Variants in HS6ST2 observed in about 807,000 individuals in gnomAD.
HS6ST2 encodes the protein heparan-sulfate 6-O-sulfotransferase 2.
HS6ST2 carries 17 observed loss-of-function variants against 33.0 expected under a neutral mutation model. The ratio of observed to expected loss-of-function variants is 0.52; its 90% CI spans 0.35 to 0.77. The LOEUF (loss-of-function observed/expected upper bound fraction) is 0.77, where lower values mean the gene tolerates loss of function less well. Ranked by LOEUF, HS6ST2 falls within the 30% of genes least tolerant of loss-of-function variation. The pLI, the probability that HS6ST2 is intolerant of heterozygous loss-of-function variation, is 0.01. For missense variants in HS6ST2, 519 were observed against 551.7 expected, an observed-to-expected ratio of 0.94 and a Z score of 0.59; for synonymous variants, 248 against 237.1, an observed-to-expected ratio of 1.05 and a Z score of -0.42.
At chrX:132,742,097 T>C (rs1057018765) in intron 2 of HS6ST2, among the ~76,000 whole-genome samples, 5 of 112,017 alleles carry the variant, frequency 4.5e-5, no homozygotes, top group African/African-American at 1.6e-4. Flanking sequence ...GCACATCTAG[T>C]GCTGAGATGA....
At chrX:132,865,475 T>C (rs1319749614) in intron 2 of HS6ST2, among the ~76,000 whole-genome samples, 3 of 109,958 alleles carry the variant, frequency 2.7e-5, no homozygotes, top group Non-Finnish European at 3.8e-5. Flanking sequence ...TGATTTATAG[T>C]CCTTTGGGTA....
intron 2 of HS6ST2, among the ~76,000 whole-genome samples, chrX:132,882,563 A>G (rs1398849125): frequency 4.7e-5 from 5 of 105,962 alleles, no homozygotes; most frequent in East Asian, 2.9e-4. Context: ...CAATCATGTC[A>G]TCTGCAAACA....
chrX:132,708,489 C>T lies in HS6ST2; in HGVS notation c.953G>A (p.Arg318Lys), dbSNP rs1248573086. The T allele has an allele frequency of 9.3e-6, 11 of 1,182,586 alleles. No individual in the cohort carries two copies. The highest frequency in any genetic ancestry group is 3.1e-5 in the East Asian group (1 of 32,781). ...TGCTGCATCTAGAATCTGAAAAATCCTCCACCTGTTAAAGGAACAGTAAAA... is the reference window on the plus strand; with the variant it reads ...TGCTGCATCTAGAATCTGAAAAATCTTCCACCTGTTAAAGGAACAGTAAAA... ...RDARLRPSRW[R>K]IFQILDAASK... The change falls in exon 3 of 5, where the codon AGG (arginine) becomes AAG (lysine). Residue 318 changes from arginine (R) to lysine (K), a missense_variant. Coordinates refer to ENST00000370833, the MANE Select transcript of HS6ST2 (RefSeq NM_001394073.1).
intron 2 of HS6ST2, among the ~76,000 whole-genome samples, chrX:132,792,805 T>C (rs1026165259): frequency 1.8e-5 from 2 of 111,449 alleles, no homozygotes; most frequent in Non-Finnish European, 3.8e-5. Context: ...CTCCATAGTT[T>C]ATCCATGTTG....
At chrX:132,665,810 A>G (rs1387900053) in intron 4 of HS6ST2, among the ~76,000 whole-genome samples, 1 of 109,086 alleles carries the variant, frequency 9.2e-6, no homozygotes, top group African/African-American at 3.3e-5. Context: ...AACTGCTTGC[A>G]CCTCCCTGAA....
intron 4 of HS6ST2, among the ~76,000 whole-genome samples, chrX:132,634,596 C>T (rs990852728): frequency 4.5e-5 from 5 of 111,827 alleles, no homozygotes; most frequent in African/African-American, 1.6e-4. Context: ...TGGCCTTGGA[C>T]CAACACAATA....
In HS6ST2 at chrX:132,957,039, C is replaced by T. The variant is rs1602935384; in HGVS notation, c.716G>A (p.Gly239Asp). The change falls in exon 2 of 5, where the codon GGC (glycine) becomes GAC (aspartate). Residue 239 changes from glycine to aspartate, a missense_variant. By Grantham distance (94) the Gly-to-Asp change is moderately conservative (BLOSUM62 -1). Coordinates refer to ENST00000370833, the MANE Select transcript of HS6ST2 (RefSeq NM_001394073.1). ...IVFLHIQKTGGTTFGRHLVRN... is the reference protein window; with the variant it reads ...IVFLHIQKTGDTTFGRHLVRN... Reference sequence around the variant, plus strand: ...CACCAAGTGGCGGCCGAAAGTGGTGCCCCCGGTCTTCTGGATGTGCAGGAA... The same window carrying T: ...CACCAAGTGGCGGCCGAAAGTGGTGTCCCCGGTCTTCTGGATGTGCAGGAA... 4.1e-6 allele frequency: 5 copies of T among 1,211,507 alleles called. No individual in the cohort carries two copies. Among genetic ancestry groups the T allele is most frequent in the Non-Finnish European group, 5.6e-6 (5 of 895,159 alleles).
chrX:132,709,417 C>CT (rs60532474), intron 2 of HS6ST2, among the ~76,000 whole-genome samples: 1 of 111,520 alleles, frequency 9.0e-6, no homozygotes, highest in African/African-American at 3.3e-5. Flanking sequence ...TTAAGAGAGC[C>CT]TTTTTTAATA....
At chrX:132,930,621 A>G (rs182032748) in intron 2 of HS6ST2, among the ~76,000 whole-genome samples, 35 of 110,785 alleles carry the variant, frequency 3.2e-4, no homozygotes, top group Non-Finnish European at 5.7e-4. Context: ...TTCCTCCCCA[A>G]ACCTGAGACA....
chrX:132,631,690 G>C (rs761878967), intron 4 of HS6ST2, among the ~76,000 whole-genome samples: 4 of 111,444 alleles, frequency 3.6e-5, no homozygotes, highest in Admixed American at 9.5e-5. Flanking sequence ...CATTGTAATG[G>C]GGGCTGCTCG....
At chrX:132,811,684 TAA>T (rs1491328413) in intron 2 of HS6ST2, among the ~76,000 whole-genome samples, 1 of 14,486 alleles carries the variant, frequency 6.9e-5, no homozygotes, top group African/African-American at 2.8e-4. Flanking sequence ...AAAGGCTGAA[TAA>T]TATATATATA....
chrX:132,658,703 T>C (rs915783139), intron 4 of HS6ST2, among the ~76,000 whole-genome samples: 10 of 112,204 alleles, frequency 8.9e-5, no homozygotes, highest in Non-Finnish European at 1.7e-4. Flanking sequence ...CTTCCTAGGA[T>C]GGTGGGTAAA....
chrX:132,660,747 T>A (rs2063765552), intron 4 of HS6ST2, among the ~76,000 whole-genome samples: 1 of 111,902 alleles, frequency 8.9e-6, no homozygotes, highest in African/African-American at 3.3e-5. Flanking sequence ...TTTCCAGACT[T>A]AAGTGGGTAG....
intron 2 of HS6ST2, among the ~76,000 whole-genome samples, chrX:132,730,738 T>C (rs1390227661): frequency 8.9e-6 from 1 of 112,096 alleles, no homozygotes; most frequent in Non-Finnish European, 1.9e-5. Flanking sequence ...AAAATGCAGT[T>C]GAGCTAATCC....
At chrX:132,675,373 A>G (rs1444611059) in intron 3 of HS6ST2, among the ~76,000 whole-genome samples, 5 of 111,834 alleles carry the variant, frequency 4.5e-5, no homozygotes, top group Non-Finnish European at 7.5e-5. Context: ...ACCCCACTCT[A>G]TGAGGATTTA....
intron 3 of HS6ST2, among the ~76,000 whole-genome samples, chrX:132,697,322 T>C (rs1219647635): frequency 8.9e-6 from 1 of 111,791 alleles, no homozygotes; most frequent in East Asian, 2.8e-4. Context: ...GAATCTGTGC[T>C]TTTGGCTCAG....
chrX:132,685,020 T>C (rs1035339149), intron 3 of HS6ST2, among the ~76,000 whole-genome samples: 1 of 111,782 alleles, frequency 8.9e-6, no homozygotes, highest in Non-Finnish European at 1.9e-5. Flanking sequence ...CTTTTTTCTT[T>C]CTTGTCTATA....
At chrX:132,782,337 C>T (rs963125886) in intron 2 of HS6ST2, among the ~76,000 whole-genome samples, 48 of 111,663 alleles carry the variant, frequency 4.3e-4, no homozygotes, top group African/African-American at 1.3e-3. Context: ...TCTCTGTCAG[C>T]GGCATGGAAA....
Position 132,879,472 on chromosome X carries a change from C to T in HS6ST2, c.947+77336G>A, listed in dbSNP as rs148886468. 3.5e-3 allele frequency among the ~76,000 whole-genome samples: 386 copies of T among 111,751 alleles called. 1 individual carries two copies. The highest frequency in any genetic ancestry group is 0.019 in the Middle Eastern group (4 of 215). ...ATTCTTTTGGGCCTTGTTTGAAATC[C>T]TATCACATCCTGGTAAGTACAACAA... is the stretch of plus-strand genomic sequence containing the variant. On this transcript the variant is annotated intron_variant, in intron 2 of 4. Transcript: ENST00000370833.
Sources: gnomAD v4.1 joint callset for allele counts (sites outside exome capture counted in the v4.1 genomes callset) on GRCh38, gnomAD v4.1.1 for gene constraint, MANE v1.5 for transcripts, NCBI Gene and HGNC (gene_info 2026-07-23, HGNC 2026-07-21) for gene names.